The following DLGAP2 variants were observed in gnomAD, a reference collection of about 807,000 sequenced individuals.
DLGAP2 encodes the protein DLG associated protein 2, also known as disks large-associated protein 2.
Under a neutral mutation model 100.3 loss-of-function variants are expected in DLGAP2, and 26 were observed. The observed-to-expected ratio is 0.26, with a 90% CI of 0.19 to 0.36. The LOEUF (loss-of-function observed/expected upper bound fraction) is 0.36, where lower values mean the gene tolerates loss of function less well. DLGAP2 is among the 10% of genes least tolerant of loss of function. The pLI is 1.00. For synonymous variants in DLGAP2, 886 were observed against 630.1 expected (o/e 1.41, Z -6.08); for missense variants, 1,858 against 1,453.2 (o/e 1.28, Z -4.53).
At chr8:769,963 C>G (rs921870633) in intron 1 of DLGAP2, among the ~76,000 whole-genome samples, 1 of 152,164 alleles carries the variant, frequency 6.6e-6, no homozygotes, top group Non-Finnish European at 1.5e-5. Context: ...TTGTGCAGCT[C>G]TACACAGGAG....
intron 1 of DLGAP2, among the ~76,000 whole-genome samples, chr8:829,787 A>T (rs1448941764): frequency 6.6e-6 from 1 of 152,206 alleles, no homozygotes; most frequent in Non-Finnish European, 1.5e-5. Context: ...ATTAACGAAA[A>T]TTGATATCTT....
At chr8:1,630,753 A>G (rs1250843458) in intron 7 of DLGAP2, among the ~76,000 whole-genome samples, 1 of 152,020 alleles carries the variant, frequency 6.6e-6, no homozygotes, top group Non-Finnish European at 1.5e-5. Context: ...TTTTTTCTCA[A>G]GCACAGGAAG....
At chr8:1,503,594 C>T (rs2130333461) in intron 4 of DLGAP2, among the ~76,000 whole-genome samples, 1 of 152,198 alleles carries the variant, frequency 6.6e-6, no homozygotes, top group Admixed American at 6.5e-5. Flanking sequence ...AGCTCTCTCT[C>T]CACGTCACTG....
At chr8:954,308 A>G (rs139189520) in intron 2 of DLGAP2, among the ~76,000 whole-genome samples, 7 of 152,226 alleles carry the variant, frequency 4.6e-5, no homozygotes, top group African/African-American at 7.2e-5. Flanking sequence ...GAACCTGTTC[A>G]TCTATAAGTG....
At chr8:1,419,041 G>C (rs773953486) in intron 3 of DLGAP2, among the ~76,000 whole-genome samples, 1 of 152,252 alleles carries the variant, frequency 6.6e-6, no homozygotes. Flanking sequence ...GGGCCATGTG[G>C]ACTCTCCGTG....
At chr8:961,764 G>T (rs1181214904) in intron 2 of DLGAP2, among the ~76,000 whole-genome samples, 18 of 152,188 alleles carry the variant, frequency 1.2e-4, no homozygotes, top group Non-Finnish European at 8.8e-5. Context: ...TTCTGACATT[G>T]TTAAAGTTAT....
At position 1,594,593 on chromosome 8, in the gene DLGAP2, C is replaced by T. The variant is rs79807555; in HGVS notation, c.1442+28699C>T. Among the ~76,000 whole-genome samples the T allele has an allele frequency of 1.6e-3, 242 of 152,098 alleles. 3 individuals carry two copies. The East Asian group carries it at 0.031, about 20-fold the overall frequency. On this transcript the variant is annotated intron_variant, in intron 6 of 14. Coordinates refer to ENST00000637795, the MANE Select transcript of DLGAP2 (RefSeq NM_001346810.2). ...GAGTGAAGAAAGCTTACAGAACTTACGGGAAATCACCAAACAGATGGGGTT... is the reference window on the plus strand; with the variant it reads ...GAGTGAAGAAAGCTTACAGAACTTATGGGAAATCACCAAACAGATGGGGTT...
intron 2 of DLGAP2, among the ~76,000 whole-genome samples, chr8:909,275 A>T (rs1798439029): frequency 6.6e-6 from 1 of 152,206 alleles, no homozygotes; most frequent in South Asian, 2.1e-4. Context: ...CACATGTGTA[A>T]AAAAGATTTT....
chr8:1,623,585 G>C (rs1380143917), intron 6 of DLGAP2, among the ~76,000 whole-genome samples: 1 of 151,270 alleles, frequency 6.6e-6, no homozygotes, highest in Admixed American at 6.6e-5. Context: ...CCTGACACCA[G>C]TGTGTGATGA....
chr8:1,650,132 T>C (rs1371405581), intron 8 of DLGAP2, among the ~76,000 whole-genome samples: 1 of 152,240 alleles, frequency 6.6e-6, no homozygotes, highest in Non-Finnish European at 1.5e-5. Flanking sequence ...TATCCATTTA[T>C]TGGTTTACAG....
intron 1 of DLGAP2, among the ~76,000 whole-genome samples, chr8:838,503 T>C (rs1019438447): frequency 6.6e-6 from 1 of 152,240 alleles, no homozygotes; most frequent in East Asian, 1.9e-4. Context: ...TATATGGGTC[T>C]TCAGGAATTT....
chr8:1,319,466 C>T (rs1003141047), intron 3 of DLGAP2, among the ~76,000 whole-genome samples: 5 of 152,152 alleles, frequency 3.3e-5, no homozygotes, highest in African/African-American at 4.8e-5. Context: ...TCTGCACCCT[C>T]GGAGAGATTG....
intron 8 of DLGAP2, among the ~76,000 whole-genome samples, chr8:1,646,140 G>A (rs188523993): frequency 0.076 from 11,555 of 152,138 alleles, 617 homozygotes; most frequent in African/African-American, 0.15. Context: ...AGGGGTGGAC[G>A]AGGTGAAGCA....
intron 2 of DLGAP2, among the ~76,000 whole-genome samples, chr8:1,224,416 T>C (rs1194202136): frequency 1.3e-5 from 2 of 152,242 alleles, no homozygotes; most frequent in African/African-American, 4.8e-5. Context: ...ATTATTGAAT[T>C]AATACATATT....
At chr8:837,323 C>T (rs1265702618) in intron 1 of DLGAP2, among the ~76,000 whole-genome samples, 1 of 152,244 alleles carries the variant, frequency 6.6e-6, no homozygotes, top group Non-Finnish European at 1.5e-5. Context: ...AGGAGTGTGT[C>T]ATTCATCTTT....
intron 3 of DLGAP2, among the ~76,000 whole-genome samples, chr8:1,463,674 C>G (rs765518023): frequency 7.2e-5 from 11 of 152,236 alleles, no homozygotes; most frequent in Non-Finnish European, 1.5e-4. Context: ...CTTGCATTTC[C>G]CAGCAAGCAT....
chr8:1,042,988 ATGGATGTGGGTGG>A (rs1802403474), intron 2 of DLGAP2, among the ~76,000 whole-genome samples: 2 of 9,418 alleles, frequency 2.1e-4, no homozygotes, highest in Non-Finnish European at 2.2e-4. Flanking sequence ...GATGTGGGTG[ATGGATGTGGGTGG>A]TGGGTGTGGG....
At position 1,705,477 on chromosome 8, in the gene DLGAP2, G is replaced by C. The variant is rs1283101674; in HGVS notation, c.*4071G>C. The C allele has an allele frequency of 6.6e-6, 1 of 152,304 alleles. No individual in the cohort carries two copies. Among genetic ancestry groups the C allele is most frequent in the Non-Finnish European group, 1.5e-5 (1 of 68,122 alleles). The allele number at this position is 152,304 out of a possible 1,614,324, so 9.4% of individuals were successfully genotyped here. ...TGATGACAGGGCCCCCCACGAACCT[G>C]GGAAAGGCAGCGGGAAATGTGTGAG... On this transcript the variant is annotated 3_prime_UTR_variant, in exon 15 of 15. Transcript: ENST00000637795.
intron 8 of DLGAP2, among the ~76,000 whole-genome samples, chr8:1,657,324 A>G (rs919907223): frequency 1.1e-4 from 17 of 152,246 alleles, no homozygotes; most frequent in Non-Finnish European, 1.6e-4. Context: ...TTTGACATAC[A>G]TATAGAAAGT....
Sources: gnomAD v4.1 joint callset for allele counts (sites outside exome capture counted in the v4.1 genomes callset) on GRCh38, gnomAD v4.1.1 for gene constraint, MANE v1.5 for transcripts, NCBI Gene and HGNC (gene_info 2026-07-23, HGNC 2026-07-21) for gene names.